THRB: variants seen among roughly 807,000 people sequenced by gnomAD.
THRB encodes thyroid hormone receptor beta, also known as nuclear receptor subfamily 1 group A member 2.
A neutral mutation model predicts 47.8 loss-of-function variants in THRB; 12 were observed. The observed-to-expected ratio is 0.25, with a 90% CI of 0.16 to 0.41. The LOEUF is 0.41. Among genes scored for constraint, THRB ranks in the 10% least tolerant of loss-of-function variants. The probability of loss-of-function intolerance (pLI) is 1.00; values close to 1 mark genes in which losing one functional copy is unlikely to be tolerated. For synonymous variants in THRB, 218 were observed against 212.2 expected (o/e 1.03, Z -0.24); for missense variants, 348 against 589.2 (o/e 0.59, Z 4.24).
intron 1 of THRB, among the ~76,000 whole-genome samples, chr3:24,418,706 G>A (rs2068968530): frequency 1.3e-5 from 2 of 151,860 alleles, no homozygotes; most frequent in South Asian, 2.1e-4. Context: ...GTTTAACAGA[G>A]CTTATTATGT....
At chr3:24,418,629 T>C (rs879609969) in intron 1 of THRB, among the ~76,000 whole-genome samples, 5 of 151,920 alleles carry the variant, frequency 3.3e-5, no homozygotes, top group Non-Finnish European at 5.9e-5. Flanking sequence ...TTTGTGAAAA[T>C]GCAGATTCCT....
chr3:24,147,774 C>T (rs993106359), intron 6 of THRB, among the ~76,000 whole-genome samples: 6 of 152,182 alleles, frequency 3.9e-5, no homozygotes, highest in African/African-American at 1.4e-4. Flanking sequence ...CTTCTATCTT[C>T]CCTACAATCA....
At chr3:24,159,161 G>C (rs1377865896) in intron 5 of THRB, among the ~76,000 whole-genome samples, 1 of 152,214 alleles carries the variant, frequency 6.6e-6, no homozygotes, top group South Asian at 2.1e-4. Context: ...TGGGATTCAA[G>C]GTTATAGCTC....
intron 1 of THRB, among the ~76,000 whole-genome samples, chr3:24,390,741 G>A (rs907903299): frequency 6.8e-6 from 1 of 148,080 alleles, no homozygotes; most frequent in African/African-American, 2.5e-5. Flanking sequence ...TTTTTAGCCA[G>A]CCTCTCAGCC....
At chr3:24,301,105 GA>G (rs1364909712) in intron 2 of THRB, among the ~76,000 whole-genome samples, 1 of 152,130 alleles carries the variant, frequency 6.6e-6, no homozygotes, top group Non-Finnish European at 1.5e-5. Context: ...ATAAATCAAG[GA>G]ACACCAGGAG....
chr3:24,357,853 G>A (rs985836392), intron 1 of THRB, among the ~76,000 whole-genome samples: 4 of 152,038 alleles, frequency 2.6e-5, no homozygotes, highest in South Asian at 4.2e-4. Context: ...ATACACTTCC[G>A]TCATTTTGTT....
At chr3:24,341,241 T>G (rs1211663343) in intron 1 of THRB, among the ~76,000 whole-genome samples, 7 of 146,376 alleles carry the variant, frequency 4.8e-5, no homozygotes, top group Non-Finnish European at 4.5e-5. Flanking sequence ...CTTTTTTTTT[T>G]TTTTTTTTGA....
intron 3 of THRB, among the ~76,000 whole-genome samples, chr3:24,287,210 C>T (rs1040773478): frequency 2.2e-4 from 34 of 152,088 alleles, no homozygotes; most frequent in African/African-American, 8.2e-4. Flanking sequence ...CGTCCCCTAC[C>T]CAGCGCCTTC....
rs2030967271 is a variant in THRB at position 24,118,008 on chromosome 3, C to G, written c.*4876G>C. On this transcript the variant is annotated 3_prime_UTR_variant, in exon 11 of 11. Coordinates refer to ENST00000646209, the MANE Select transcript of THRB (RefSeq NM_001354712.2). ...TGTGGCCCCTTCCAAAGAGGTAACC[C>G]CCCATCAGCATTTTACTTAGTTTCT... 1 of 152,102 alleles carries G rather than the reference C, an allele frequency of 6.6e-6. No homozygotes were observed. The highest frequency in any genetic ancestry group is 1.5e-5 in the Non-Finnish European group (1 of 68,008). 9.4% of individuals were successfully genotyped at this position (152,102 alleles called of 1,614,324 possible). A position where few individuals can be genotyped will look rare whatever the true frequency, so the allele number is the denominator to read the frequency against.
At chr3:24,294,693 C>T (rs2056294047) in intron 3 of THRB, among the ~76,000 whole-genome samples, 1 of 152,120 alleles carries the variant, frequency 6.6e-6, no homozygotes, top group African/African-American at 2.4e-5. Context: ...ATGGAGGGCA[C>T]CTTGATGACC....
chr3:24,132,387 G>T (rs1188168919), intron 9 of THRB, among the ~76,000 whole-genome samples: 1 of 152,238 alleles, frequency 6.6e-6, no homozygotes, highest in Non-Finnish European at 1.5e-5. Context: ...AAATGTAACA[G>T]ATAAAATAAA....
chr3:24,347,948 T>C (rs756510359), intron 1 of THRB, among the ~76,000 whole-genome samples: 1 of 152,150 alleles, frequency 6.6e-6, no homozygotes, highest in South Asian at 2.1e-4. Flanking sequence ...ATAGAAGAAG[T>C]GGGATCATGT....
chr3:24,247,026 T>G (rs961653843), intron 3 of THRB, among the ~76,000 whole-genome samples: 2 of 152,184 alleles, frequency 1.3e-5, no homozygotes. Context: ...GGATCCCATA[T>G]GATATGCTTG....
intron 6 of THRB, among the ~76,000 whole-genome samples, chr3:24,151,813 C>T (rs534423500): frequency 6.6e-6 from 1 of 152,174 alleles, no homozygotes; most frequent in Non-Finnish European, 1.5e-5. Flanking sequence ...CTGTACAGCA[C>T]AAAATTAGCC....
intron 5 of THRB, among the ~76,000 whole-genome samples, chr3:24,172,241 T>G (rs77346389): frequency 0.012 from 1,768 of 152,228 alleles, 38 homozygotes; most frequent in African/African-American, 0.04. Flanking sequence ...TTTCTCAGAT[T>G]ACACACCAAG....
At chr3:24,234,258 G>T (rs2048641477) in intron 3 of THRB, among the ~76,000 whole-genome samples, 1 of 152,144 alleles carries the variant, frequency 6.6e-6, no homozygotes, top group South Asian at 2.1e-4. Context: ...TTTTCAGAGG[G>T]TTCACAGATA....
At chr3:24,262,957 T>C (rs1211918220) in intron 3 of THRB, among the ~76,000 whole-genome samples, 1 of 152,218 alleles carries the variant, frequency 6.6e-6, no homozygotes. Context: ...CTTGCAAATA[T>C]TCTTTCATCC....
chr3:24,447,992 A>G (rs2072266876), intron 1 of THRB, among the ~76,000 whole-genome samples: 1 of 152,092 alleles, frequency 6.6e-6, no homozygotes, highest in South Asian at 2.1e-4. Flanking sequence ...GCCCTTGATG[A>G]CGAATTCTTT....
At chr3:24,468,197 G>A (rs2074296932) in intron 1 of THRB, among the ~76,000 whole-genome samples, 1 of 152,182 alleles carries the variant, frequency 6.6e-6, no homozygotes, top group Admixed American at 6.5e-5. Context: ...AATTAAGAAA[G>A]TTAGGGCTTT....
Sources: allele counts gnomAD v4.1 joint callset (sites outside exome capture counted in the v4.1 genomes callset), GRCh38; gene constraint gnomAD v4.1.1; transcripts MANE v1.5; gene names NCBI Gene and HGNC (gene_info 2026-07-23, HGNC 2026-07-21).